CYP2W1: variants seen among roughly 807,000 people sequenced by gnomAD.
CYP2W1 encodes cytochrome P450 2W1.
Under a neutral mutation model 44.9 loss-of-function variants are expected in CYP2W1, and 51 were observed. The observed-to-expected ratio is 1.14, with a 90% CI of 0.91 to 1.43. The LOEUF (loss-of-function observed/expected upper bound fraction) is 1.43, where lower values mean the gene tolerates loss of function less well. CYP2W1 is among the 40% of genes most tolerant of loss of function. CYP2W1 has a pLI of 0.00. For missense variants in CYP2W1, 746 were observed against 700.0 expected (o/e 1.07, Z -0.74); for synonymous variants, 383 against 338.3 (o/e 1.13, Z -1.45).
intron 4 of CYP2W1, among the ~76,000 whole-genome samples, chr7:986,005 C>G (rs1043443634): frequency 6.6e-6 from 1 of 152,128 alleles, no homozygotes; most frequent in African/African-American, 2.4e-5. Flanking sequence ...TGGAGCCAGG[C>G]AGGCCCAGAG....
At position 986,737 on chromosome 7, in the gene CYP2W1, C is replaced by A. The variant is rs768712913; in HGVS notation, c.759C>A (p.Pro253=). The change falls in exon 5 of 9, where the codon CCC becomes CCA. Residue 253 remains proline (P), a synonymous_variant. Transcript: ENST00000308919. Reference sequence around the variant, plus strand: ...GGACCCTCCTGGAGGCGCGGAGGCCCCACGTGTGCCCGGGGGACCCCGTGT... The same window carrying A: ...GGACCCTCCTGGAGGCGCGGAGGCCACACGTGTGCCCGGGGGACCCCGTGT... The part of the protein sequence containing the change: ...ILRTLLEARR[P]HVCPGDPVCS... 6.2e-7 allele frequency: 1 copy of A among 1,609,416 alleles called. No individual in the cohort carries two copies. Among genetic ancestry groups the A allele is most frequent in the Non-Finnish European group, 8.5e-7 (1 of 1,178,030 alleles).
chr7:985,543 A>G (rs560165843), intron 4 of CYP2W1, among the ~76,000 whole-genome samples: 9 of 152,084 alleles, frequency 5.9e-5, no homozygotes, highest in Non-Finnish European at 1.2e-4. Flanking sequence ...GGGGATCCCC[A>G]TCTCCCCCAC....
Position 988,904 on chromosome 7 carries a change from G to A in CYP2W1, c.*82G>A. The stretch of plus-strand genomic sequence containing the variant: ...CCACCCTCTCTCCTCCCACCCCACA[G>A]CTCGGACTGCTCTGGGAGGGCCCTG... On this transcript the variant is annotated 3_prime_UTR_variant, in exon 9 of 9. Transcript: ENST00000308919. The A allele has an allele frequency of 2.3e-6, 2 of 855,148 alleles. No homozygotes were observed. The highest frequency in any genetic ancestry group is 1.7e-5 in the South Asian group (1 of 58,584). 53.0% of individuals were successfully genotyped at this position (855,148 alleles called of 1,614,324 possible).
chr7:985,355 G>T (rs1254181946), intron 4 of CYP2W1, 32 bp downstream of exon 4: 5 of 1,544,506 alleles, frequency 3.2e-6, no homozygotes, highest in Non-Finnish European at 4.4e-6. Flanking sequence ...TTGGGGTGGG[G>T]TGGAGCCTGG....
In CYP2W1 at chr7:985,238, G is replaced by C. The variant is rs1322251139; in HGVS notation, c.560G>C (p.Arg187Pro). ...NITFALLFGR[R>P]FDYRDPVFVS... Reference sequence around the variant, plus strand: ...ACCTTCGCGCTCCTCTTCGGCCGCCGATTTGACTACCGGGACCCCGTGTTT... The same window carrying C: ...ACCTTCGCGCTCCTCTTCGGCCGCCCATTTGACTACCGGGACCCCGTGTTT... Residue 187 changes from arginine to proline, a missense_variant, in exon 4 of 9, where the codon CGA becomes CCA. Arg to Pro is a moderately radical substitution (Grantham distance 103). Transcript: ENST00000308919. 1.9e-6 allele frequency: 3 copies of C among 1,552,854 alleles called. No homozygotes were observed. Among genetic ancestry groups the C allele is most frequent in the Non-Finnish European group, 2.6e-6 (3 of 1,147,990 alleles).
chr7:985,285 G>C lies in CYP2W1; in HGVS notation c.607G>C (p.Asp203His). 6.4e-7 allele frequency: 1 copy of C among 1,551,644 alleles called. No homozygotes were observed. The highest frequency in any genetic ancestry group is 1.2e-5 in the South Asian group (1 of 84,146). Residue 203 changes from aspartate (D) to histidine (H), a missense_variant, in exon 4 of 9, where the codon GAT becomes CAT. Transcript: ENST00000308919. Reference sequence around the variant, plus strand: ...GTTTGTGTCCCTGCTGGGTCTCATCGATGAGGTCATGGTCCTCTTGGGGTC... The same window carrying C: ...GTTTGTGTCCCTGCTGGGTCTCATCCATGAGGTCATGGTCCTCTTGGGGTC... The part of the protein sequence containing the change: ...PVFVSLLGLI[D>H]EVMVLLGSPG...
chr7:987,124 CCT>C lies in CYP2W1; in HGVS notation c.838_839del (p.Leu280ValfsTer3). The C allele has an allele frequency of 2.6e-6, 4 of 1,564,638 alleles. No homozygotes were observed. Among genetic ancestry groups the C allele is most frequent in the Non-Finnish European group, 3.5e-6 (4 of 1,153,604 alleles). ...CTCTGCAGGGGGATGACCCCGAGGG[CCT>C]GTTTGCTGAGGCCAACGCGGTGGCC... Reference protein sequence around the residue: ...QQGQGDDPEGLFAEANAVACT... With the variant: ...QQGQGDDPEGXFAEANAVACT... On this transcript the variant is annotated frameshift_variant, in exon 6 of 9. Coordinates refer to ENST00000308919, the MANE Select transcript of CYP2W1 (RefSeq NM_017781.3). LOFTEE classifies it high-confidence loss of function.
rs1224778473 is a variant in CYP2W1, at chr7:983,246, T to A, written c.35T>A (p.Leu12Gln). ...ALLLLLFLGLLGLWGLLCACA... is the reference protein window; with the variant it reads ...ALLLLLFLGLQGLWGLLCACA... Reference sequence around the variant, plus strand: ...CTGCTCTTGCTGTTCCTGGGCCTCCTGGGGCTCTGGGGGCTGCTCTGCGCC... The same window carrying A: ...CTGCTCTTGCTGTTCCTGGGCCTCCAGGGGCTCTGGGGGCTGCTCTGCGCC... Residue 12 changes from leucine (L) to glutamine (Q), a missense_variant, in exon 1 of 9, where the codon CTG (leucine) becomes CAG (glutamine). Transcript: ENST00000308919. The A allele has an allele frequency of 6.5e-7, 1 of 1,532,926 alleles. No individual in the cohort carries two copies. 95.0% of individuals were successfully genotyped at this position (1,532,926 alleles called of 1,614,324 possible).
In CYP2W1 at chr7:985,026, G is replaced by C. The variant is rs923549026; in HGVS notation, c.414G>C (p.Val138=). ...FTVRALHSLG[V]GREPVADKIL... ...TGCGTGCCCTGCACAGCCTGGGCGT[G>C]GGCCGGGAGCCGGTGGCTGACAAGA... Residue 138 remains valine (V), a synonymous_variant, in exon 3 of 9, where the codon GTG becomes GTC. Transcript: ENST00000308919. 6.2e-7 allele frequency: 1 copy of C among 1,612,072 alleles called. No individual in the cohort carries two copies. The highest frequency in any genetic ancestry group is 1.3e-5 in the African/African-American group (1 of 74,938).
At position 989,443 on chromosome 7, in the gene CYP2W1, A is replaced by G. The variant is rs928001218; in HGVS notation, c.*621A>G. On this transcript the variant is annotated 3_prime_UTR_variant, in exon 9 of 9. Transcript: ENST00000308919. ...CCAGAGGCTTCCTTGGGGCGGGGGG[A>G]GGGCACCTCAGCCCCTGAAGACAAG... The G allele has an allele frequency of 6.6e-6, 1 of 152,156 alleles. No homozygotes were observed. Among genetic ancestry groups the G allele is most frequent in the Non-Finnish European group, 1.5e-5 (1 of 68,352 alleles). 9.4% of individuals were successfully genotyped at this position (152,156 alleles called of 1,614,324 possible). A position where few individuals can be genotyped will look rare whatever the true frequency, so the allele number is the denominator to read the frequency against.
At chr7:983,939 C>T (rs924231636) in intron 1 of CYP2W1, among the ~76,000 whole-genome samples, 3 of 152,212 alleles carry the variant, frequency 2.0e-5, no homozygotes, top group African/African-American at 7.2e-5. Flanking sequence ...GTCAGTGGGA[C>T]AGGGCTGACC....
chr7:985,404 C>T, intron 4 of CYP2W1, 81 bp downstream of exon 4: 1 of 1,442,130 alleles, frequency 6.9e-7, no homozygotes. Flanking sequence ...GGCCCCAGTG[C>T]TGTCCCCTCT....
In CYP2W1 at chr7:989,086, C is replaced by A; in HGVS notation, c.*264C>A. On this transcript the variant is annotated 3_prime_UTR_variant, in exon 9 of 9. Coordinates refer to ENST00000308919, the MANE Select transcript of CYP2W1 (RefSeq NM_017781.3). ...CCAGGAGCGCCTCCAGGGCCCCGCCCACTCTCCCACCCCTGAAGCTGCACT... is the reference window on the plus strand; with the variant it reads ...CCAGGAGCGCCTCCAGGGCCCCGCCAACTCTCCCACCCCTGAAGCTGCACT... 1 of 452,730 alleles carries A rather than the reference C, an allele frequency of 2.2e-6. No individual in the cohort carries two copies. Among genetic ancestry groups the A allele is most frequent in the Non-Finnish European group, 3.9e-6 (1 of 255,452 alleles). 28.0% of individuals were successfully genotyped at this position (452,730 alleles called of 1,614,324 possible). A position where few individuals can be genotyped will look rare whatever the true frequency, so the allele number is the denominator to read the frequency against.
Position 984,396 on chromosome 7 carries a change from C to G in CYP2W1, c.175-16C>G. 6.5e-7 allele frequency: 1 copy of G among 1,545,060 alleles called. No individual in the cohort carries two copies. The highest frequency in any genetic ancestry group is 1.4e-5 in the African/African-American group (1 of 73,162). On this transcript the variant is annotated splice_polypyrimidine_tract_variant and intron_variant, in intron 1 of 8. Coordinates refer to ENST00000308919, the MANE Select transcript of CYP2W1 (RefSeq NM_017781.3). ...TGGGTGAGGGCTGCCCGGGTGACCC[C>G]CGCCATCCCTGCCAGCTCTCAGAAC...
intron 4 of CYP2W1, among the ~76,000 whole-genome samples, chr7:986,176 G>C (rs1358304076): frequency 1.3e-5 from 2 of 152,110 alleles, no homozygotes; most frequent in African/African-American, 2.4e-5. Flanking sequence ...AAGGCGAGTG[G>C]CACGAGGTGT....
rs1384385205 is a variant in CYP2W1, at chr7:984,444, G to A, written c.207G>A (p.Val69=). The change falls in exon 2 of 9, where the codon GTG becomes GTA. Residue 69 remains valine (V), a synonymous_variant. Transcript: ENST00000308919. ...AACGCTACGGGCCGGTGTTCACCGT[G>A]CACCTGGGGCGCCAGAAGACGGTGG... ...LSERYGPVFT[V]HLGRQKTVVL... The A allele has an allele frequency of 1.3e-6, 2 of 1,549,294 alleles. No homozygotes were observed. The highest frequency in any genetic ancestry group is 2.4e-5 in the East Asian group (1 of 41,028).
chr7:987,966 T>TGTGTGTCCTGGGGGTCCC (rs1848512868), intron 7 of CYP2W1, among the ~76,000 whole-genome samples: 3 of 114,280 alleles, frequency 2.6e-5, no homozygotes, highest in African/African-American at 1.2e-4. Context: ...GGGGGTCCCC[T>TGTGTGTCCTGGGGGTCCC]CTGTGTGTCC....
chr7:985,130 G>A lies in CYP2W1; in HGVS notation c.487+31G>A, dbSNP rs369658429. 151 of 1,604,054 alleles carry A rather than the reference G, an allele frequency of 9.4e-5. 1 individual carries two copies. In the South Asian group the frequency reaches 1.1e-3, roughly 12 times the overall value. The stretch of plus-strand genomic sequence containing the variant: ...CAGGGGGCCGGGGACGCCCCTCCCC[G>A]GGCCTGGACGTGCCTGAGGCCCGTC... On this transcript the variant is annotated intron_variant, in intron 3 of 8. Transcript: ENST00000308919.
In CYP2W1 at chr7:986,681, C is replaced by T. The variant is rs533747532; in HGVS notation, c.703C>T (p.Arg235Cys). 149 of 1,612,650 alleles carry T rather than the reference C, an allele frequency of 9.2e-5. 1 individual carries two copies. Among genetic ancestry groups the T allele is most frequent in the Non-Finnish European group, 1.2e-4 (141 of 1,179,870 alleles). The change falls in exon 5 of 9, where the codon CGC becomes TGC. Residue 235 changes from arginine to cysteine, a missense_variant. By Grantham distance (180) the Arg-to-Cys change is radical. Transcript: ENST00000308919. ...ALLQLHRPVL[R>C]KIEEVRAILR... ...GCTCCAGCTGCACCGGCCCGTCCTG[C>T]GCAAGATCGAGGAGGTCCGTGCCAT...
Sources: gnomAD v4.1 joint callset for allele counts (sites outside exome capture counted in the v4.1 genomes callset) on GRCh38, gnomAD v4.1.1 for gene constraint, MANE v1.5 for transcripts, NCBI Gene and HGNC (gene_info 2026-07-23, HGNC 2026-07-21) for gene names.